ZNF430: variants seen among roughly 807,000 people sequenced by gnomAD.
ZNF430 encodes the protein zinc finger protein 430.
Under a neutral mutation model 56.7 loss-of-function variants are expected in ZNF430, and 35 were observed. The observed-to-expected ratio is 0.62, with a 90% confidence interval of 0.47 to 0.82. The LOEUF is 0.82. ZNF430 is among the 40% of genes least tolerant of loss of function. ZNF430 has a pLI of 0.00. For missense variants in ZNF430, 574 were observed against 661.0 expected, an observed-to-expected ratio of 0.87 and a Z score of 1.44; for synonymous variants, 212 against 224.3, an observed-to-expected ratio of 0.94 and a Z score of 0.49.
chr19:21,042,029 C>T (rs776596291), intron 4 of ZNF430, among the ~76,000 whole-genome samples: 4 of 152,052 alleles, frequency 2.6e-5, no homozygotes, highest in Admixed American at 1.3e-4. Context: ...TCTTATTGTT[C>T]GGCTCTCACT....
At chr19:21,036,548 CATG>C (rs1350705021) in intron 4 of ZNF430, 2 of 152,016 alleles carry the variant, frequency 1.3e-5, no homozygotes, top group African/African-American at 4.8e-5. Context: ...TAGGGCCAGA[CATG>C]GTGGTGGCTC....
chr19:21,027,862 G>A (rs1169720701), intron 2 of ZNF430, among the ~76,000 whole-genome samples: 3 of 152,062 alleles, frequency 2.0e-5, no homozygotes, highest in Non-Finnish European at 2.9e-5. Context: ...TATTTGTTCA[G>A]TCTCTGGAAA....
intron 4 of ZNF430, among the ~76,000 whole-genome samples, chr19:21,051,700 T>A (rs780921253): frequency 4.6e-5 from 7 of 152,160 alleles, no homozygotes; most frequent in Non-Finnish European, 7.3e-5. Flanking sequence ...TATGTTGGCC[T>A]GGATGGTCTC....
intron 4 of ZNF430, among the ~76,000 whole-genome samples, chr19:21,055,496 T>A (rs1968358972): frequency 1.3e-5 from 2 of 152,176 alleles, no homozygotes; most frequent in Non-Finnish European, 2.9e-5. Flanking sequence ...TCTCCCAGAC[T>A]GGAGTGCAGT....
Position 21,058,552 on chromosome 19 carries a change from C to T in ZNF430, c.*531C>T. 1 of 161,976 alleles carries T rather than the reference C, an allele frequency of 6.2e-6. No homozygotes were observed. The allele number at this position is 161,976 out of a possible 1,614,324, so 10.0% of individuals were successfully genotyped here. On this transcript the variant is annotated 3_prime_UTR_variant, in exon 5 of 5. Transcript: ENST00000261560. ...AAACTTTTAAACATAAAAAATCATACTGGTGAGAAATCCTAGAAATGTAAA... is the reference window on the plus strand; with the variant it reads ...AAACTTTTAAACATAAAAAATCATATTGGTGAGAAATCCTAGAAATGTAAA...
At chr19:21,050,390 C>T (rs894854022) in intron 4 of ZNF430, among the ~76,000 whole-genome samples, 2 of 152,108 alleles carry the variant, frequency 1.3e-5, no homozygotes, top group African/African-American at 4.8e-5. Context: ...TAACTCTGTA[C>T]AATTTAAGGC....
chr19:21,022,669 T>C, intron 1 of ZNF430, 120 bp from the exon 2 acceptor site: 1 of 772,024 alleles, frequency 1.3e-6, no homozygotes, highest in Non-Finnish European at 2.3e-6. Flanking sequence ...TCAGTCACCC[T>C]TCAGTTTTTT....
Position 21,057,505 on chromosome 19 carries a change from A to G in ZNF430, c.1197A>G (p.Lys399=), listed in dbSNP as rs1968401221. ...TKHKIIHTGE[K]FYKCEECGKG... Reference sequence around the variant, plus strand: ...ATAAGATAATTCATACTGGAGAGAAATTCTACAAATGTGAAGAATGTGGCA... The same window carrying G: ...ATAAGATAATTCATACTGGAGAGAAGTTCTACAAATGTGAAGAATGTGGCA... The change falls in exon 5 of 5, where the codon AAA becomes AAG. Residue 399 remains lysine, a synonymous_variant. Coordinates refer to ENST00000261560, the MANE Select transcript of ZNF430 (RefSeq NM_025189.4). 2 of 1,613,534 alleles carry G rather than the reference A, an allele frequency of 1.2e-6. No homozygotes were observed. Among genetic ancestry groups the G allele is most frequent in the Admixed American group, 1.7e-5 (1 of 59,986 alleles).
chr19:21,056,539 A>G (rs1599510765), intron 4 of ZNF430, 92 bp from the exon 5 acceptor site: 1 of 909,406 alleles, frequency 1.1e-6, no homozygotes, highest in African/African-American at 1.7e-5. Flanking sequence ...CATCTTGTTT[A>G]TGTAGTTTGT....
rs1599494599 is a variant in ZNF430, at chr19:21,033,602, A to G, written c.223+20A>G. On this transcript the variant is annotated intron_variant, in intron 3 of 4. Transcript: ENST00000261560. ...TCTTGGGTGAGAATAACTTTAGTACACAATTACTAGTATACCCTAAAGGTT... is the reference window on the plus strand; with the variant it reads ...TCTTGGGTGAGAATAACTTTAGTACGCAATTACTAGTATACCCTAAAGGTT... The G allele has an allele frequency of 6.3e-7, 1 of 1,594,262 alleles. No homozygotes were observed. Among genetic ancestry groups the G allele is most frequent in the Non-Finnish European group, 8.5e-7 (1 of 1,172,188 alleles).
Position 21,054,522 on chromosome 19 carries a change from A to G in ZNF430, c.323-2109A>G, listed in dbSNP as rs183001260. On this transcript the variant is annotated intron_variant, in intron 4 of 4. Transcript: ENST00000261560. ...AATTTACTGGCTGTGTCATAAGACTATGCTTGCAAATGACATCACTTTTAT... is the reference window on the plus strand; with the variant it reads ...AATTTACTGGCTGTGTCATAAGACTGTGCTTGCAAATGACATCACTTTTAT... 7.9e-5 allele frequency among the ~76,000 whole-genome samples: 12 copies of G among 152,190 alleles called. No homozygotes were observed. In the East Asian group the frequency reaches 2.1e-3, roughly 27 times the overall value.
At chr19:21,051,230 CT>C (rs1206039311) in intron 4 of ZNF430, among the ~76,000 whole-genome samples, 1 of 151,738 alleles carries the variant, frequency 6.6e-6, no homozygotes, top group East Asian at 1.9e-4. Flanking sequence ...TCTACAGTCT[CT>C]TTTTGTGGCT....
rs1967901033 is a variant in ZNF430 at position 21,031,510 on chromosome 19, GA to G, written c.97-1943del. Among the ~76,000 whole-genome samples, 6 of 152,212 alleles carry G rather than the reference GA, an allele frequency of 3.9e-5. No individual in the cohort carries two copies. The South Asian group carries it at 1.2e-3, about 32-fold the overall frequency. On this transcript the variant is annotated intron_variant, in intron 2 of 4. Transcript: ENST00000261560. ...GAGGGCACCTAAGGACAGGAAAAGA[GA>G]AACATACTTTTATATTCATAGAGCA...
intron 4 of ZNF430, among the ~76,000 whole-genome samples, chr19:21,051,709 T>C (rs1308052744): frequency 6.6e-6 from 1 of 152,190 alleles, no homozygotes; most frequent in Non-Finnish European, 1.5e-5. Context: ...CTGGATGGTC[T>C]CGATCTCTTG....
rs537476532 is a variant in ZNF430, at chr19:21,020,813, C to T, written c.3+10C>T. On this transcript the variant is annotated intron_variant, in intron 1 of 4. Coordinates refer to ENST00000261560, the MANE Select transcript of ZNF430 (RefSeq NM_025189.4). The stretch of plus-strand genomic sequence containing the variant: ...TGGAAGCCTAGAAATGGTGAGAGTG[C>T]CGGGTCCGACATCCCCAGAGAGGGG... 18 of 1,613,632 alleles carry T rather than the reference C, an allele frequency of 1.1e-5. No homozygotes were observed. In the East Asian group the frequency reaches 1.6e-4, roughly 14 times the overall value.
Position 21,057,954 on chromosome 19 carries a change from C to T in ZNF430, c.1646C>T (p.Ala549Val). 1 of 1,612,602 alleles carries T rather than the reference C, an allele frequency of 6.2e-7. No homozygotes were observed. The highest frequency in any genetic ancestry group is 8.5e-7 in the Non-Finnish European group (1 of 1,179,514). ...KPYNCEEYGKAFNQSSNLIEQ... is the reference protein window; with the variant it reads ...KPYNCEEYGKVFNQSSNLIEQ... Reference sequence around the variant, plus strand: ...TACAACTGTGAAGAATACGGCAAAGCTTTCAACCAGTCCTCAAACCTTATT... The same window carrying T: ...TACAACTGTGAAGAATACGGCAAAGTTTTCAACCAGTCCTCAAACCTTATT... Residue 549 changes from alanine to valine, a missense_variant, in exon 5 of 5, where the codon GCT (alanine) becomes GTT (valine). Transcript: ENST00000261560.
intron 4 of ZNF430, among the ~76,000 whole-genome samples, chr19:21,050,397 A>C (rs1968264509): frequency 6.6e-6 from 1 of 152,174 alleles, no homozygotes; most frequent in Admixed American, 6.5e-5. Context: ...GTACAATTTA[A>C]GGCAGTTTGG....
chr19:21,049,637 C>T (rs930164667), intron 4 of ZNF430: 4 of 152,132 alleles, frequency 2.6e-5, no homozygotes, highest in East Asian at 3.9e-4. Flanking sequence ...TGTTACATTT[C>T]GTGCAACATT....
chr19:21,027,772 G>T (rs1032692401), intron 2 of ZNF430, among the ~76,000 whole-genome samples: 9 of 151,848 alleles, frequency 5.9e-5, no homozygotes, highest in African/African-American at 2.2e-4. Context: ...CTGGTTCTTT[G>T]CTTTTTTTTG....
Sources: allele counts gnomAD v4.1 joint callset (sites outside exome capture counted in the v4.1 genomes callset), GRCh38; gene constraint gnomAD v4.1.1; transcripts MANE v1.5; gene names NCBI Gene and HGNC (gene_info 2026-07-23, HGNC 2026-07-21).